The following OTUD7A variants were observed in gnomAD, a reference collection of about 807,000 sequenced individuals.
The protein encoded by OTUD7A is OTU deubiquitinase 7A, also known as OTU domain-containing protein 7A.
OTUD7A carries 12 observed loss-of-function variants against 65.7 expected under a neutral mutation model. The ratio of observed to expected loss-of-function variants is 0.18; its 90% CI spans 0.12 to 0.30. The LOEUF is 0.30. Among genes scored for constraint, OTUD7A ranks in the 10% least tolerant of loss-of-function variants. OTUD7A has a pLI of 1.00. For synonymous variants in OTUD7A, 641 were observed against 586.3 expected (o/e 1.09, Z -1.35); for missense variants, 1,148 against 1,304.8 (o/e 0.88, Z 1.85).
intron 5 of OTUD7A, among the ~76,000 whole-genome samples, chr15:31,553,991 G>A (rs1222333966): frequency 2.6e-5 from 4 of 152,228 alleles, no homozygotes; most frequent in South Asian, 2.1e-4. Context: ...CCTAGCGCCC[G>A]GCTCCCATTC....
At position 31,646,385 on chromosome 15, in the gene OTUD7A, G is replaced by A. The variant is rs1000084514; in HGVS notation, c.151+8711C>T. On this transcript the variant is annotated intron_variant, in intron 3 of 12. Transcript: ENST00000307050. ...TGAATACGGCTGGCTTTCCAGAGAG[G>A]AAGTGTCTTTCTTTCTCTCTTTCTC... Among the ~76,000 whole-genome samples the A allele has an allele frequency of 5.3e-5, 8 of 151,922 alleles. 1 individual carries two copies. The highest frequency in any genetic ancestry group is 3.2e-3 in the Middle Eastern group (1 of 316).
rs182893358 is a variant in OTUD7A, at chr15:31,624,562, T to C, written c.151+30534A>G. ...AAAGTAAAATGAGAGAAAATGACCATTGATGAAGGGCATAAAATTGCATTT... is the reference window on the plus strand; with the variant it reads ...AAAGTAAAATGAGAGAAAATGACCACTGATGAAGGGCATAAAATTGCATTT... On this transcript the variant is annotated intron_variant, in intron 3 of 12. Transcript: ENST00000307050. Among the ~76,000 whole-genome samples the C allele has an allele frequency of 3.3e-5, 5 of 152,236 alleles. No individual in the cohort carries two copies. The East Asian group carries it at 5.8e-4, about 18-fold the overall frequency.
In OTUD7A at chr15:31,639,089, G is replaced by A. The variant is rs556587152; in HGVS notation, c.151+16007C>T. Among the ~76,000 whole-genome samples, 4 of 151,896 alleles carry A rather than the reference G, an allele frequency of 2.6e-5. No homozygotes were observed. The South Asian group carries it at 6.3e-4, about 24-fold the overall frequency. ...GCAGAGCTTGCAGTGAGACGAGCTCGCGCCACCGCACTCCAGCCTCTGTCT... is the reference window on the plus strand; with the variant it reads ...GCAGAGCTTGCAGTGAGACGAGCTCACGCCACCGCACTCCAGCCTCTGTCT... On this transcript the variant is annotated intron_variant, in intron 3 of 12. Coordinates refer to ENST00000307050, the MANE Select transcript of OTUD7A (RefSeq NM_001382637.1).
chr15:31,587,219 C>T (rs940471551), intron 3 of OTUD7A, among the ~76,000 whole-genome samples: 2 of 152,174 alleles, frequency 1.3e-5, no homozygotes, highest in Admixed American at 1.3e-4. Flanking sequence ...TCTACCATTG[C>T]CACCCTAGGT....
At chr15:31,644,005 T>C (rs1396850669) in intron 3 of OTUD7A, among the ~76,000 whole-genome samples, 1 of 152,156 alleles carries the variant, frequency 6.6e-6, no homozygotes, top group Non-Finnish European at 1.5e-5. Context: ...AAGGGGTACC[T>C]GGGGCCAGGT....
intron 1 of OTUD7A, chr15:31,766,678 C>T: frequency 1.2e-6 from 2 of 1,603,964 alleles, no homozygotes; most frequent in Non-Finnish European, 1.7e-6. Flanking sequence ...TTCTGACTTG[C>T]ATTTCCCATT....
chr15:31,844,203 G>T (rs967086260), intron 1 of OTUD7A, among the ~76,000 whole-genome samples: 1 of 152,218 alleles, frequency 6.6e-6, no homozygotes, highest in African/African-American at 2.4e-5. Flanking sequence ...TGACAGAAAA[G>T]AGAATCAAGA....
At chr15:31,827,945 C>A (rs927606070) in intron 1 of OTUD7A, among the ~76,000 whole-genome samples, 11 of 151,876 alleles carry the variant, frequency 7.2e-5, no homozygotes, top group African/African-American at 2.4e-4. Context: ...AAAAAAAAAA[C>A]CACATAAAAT....
chr15:31,728,102 A>G (rs1449817354), intron 1 of OTUD7A, among the ~76,000 whole-genome samples: 1 of 152,204 alleles, frequency 6.6e-6, no homozygotes, highest in African/African-American at 2.4e-5. Context: ...TATTGCAAAC[A>G]TAATGAGGCA....
At chr15:31,772,921 A>T (rs1260564678) in intron 1 of OTUD7A, among the ~76,000 whole-genome samples, 1 of 152,184 alleles carries the variant, frequency 6.6e-6, no homozygotes, top group Non-Finnish European at 1.5e-5. Context: ...ATGCTACAGG[A>T]ACACTTTGTT....
chr15:31,532,171 A>G (rs1887645408), intron 5 of OTUD7A, among the ~76,000 whole-genome samples: 1 of 152,234 alleles, frequency 6.6e-6, no homozygotes, highest in Non-Finnish European at 1.5e-5. Flanking sequence ...GATTTCAAAC[A>G]GAACAAGAAA....
At chr15:31,831,729 G>A (rs1056411467) in intron 1 of OTUD7A, among the ~76,000 whole-genome samples, 1 of 152,232 alleles carries the variant, frequency 6.6e-6, no homozygotes, top group Non-Finnish European at 1.5e-5. Flanking sequence ...AAACTGGGAA[G>A]AGCCCAGGAT....
intron 3 of OTUD7A, among the ~76,000 whole-genome samples, chr15:31,630,068 G>A (rs1342592645): frequency 6.8e-6 from 1 of 148,088 alleles, no homozygotes; most frequent in African/African-American, 2.5e-5. Context: ...ATTTTTTGAA[G>A]GGTTTTTTGT....
intron 1 of OTUD7A, among the ~76,000 whole-genome samples, chr15:31,818,674 A>T (rs1187389675): frequency 6.6e-6 from 1 of 152,214 alleles, no homozygotes; most frequent in Admixed American, 6.5e-5. Flanking sequence ...GCAGTGTGAC[A>T]GCCCCTGCTG....
chr15:31,800,065 T>C (rs1340704998), intron 1 of OTUD7A, among the ~76,000 whole-genome samples: 1 of 152,172 alleles, frequency 6.6e-6, no homozygotes, highest in Non-Finnish European at 1.5e-5. Flanking sequence ...CATAAGGTTG[T>C]GACTCAGGCA....
intron 1 of OTUD7A, among the ~76,000 whole-genome samples, chr15:31,667,130 A>C (rs759117575): frequency 6.6e-6 from 1 of 152,196 alleles, no homozygotes; most frequent in Non-Finnish European, 1.5e-5. Flanking sequence ...TGTTCTGTAC[A>C]TATCTGTTAA....
At chr15:31,841,468 C>T (rs1897181283) in intron 1 of OTUD7A, among the ~76,000 whole-genome samples, 1 of 152,152 alleles carries the variant, frequency 6.6e-6, no homozygotes, top group South Asian at 2.1e-4. Flanking sequence ...GGTGGCTCTA[C>T]GCTGCCTCTG....
At chr15:31,637,711 A>G (rs1275775711) in intron 3 of OTUD7A, among the ~76,000 whole-genome samples, 3 of 152,248 alleles carry the variant, frequency 2.0e-5, no homozygotes, top group Admixed American at 1.3e-4. Flanking sequence ...AATTATCAAC[A>G]TTAACAGGAG....
At chr15:31,868,303 T>A (rs1897933273) in intron 1 of OTUD7A, among the ~76,000 whole-genome samples, 1 of 152,232 alleles carries the variant, frequency 6.6e-6, no homozygotes, top group Non-Finnish European at 1.5e-5. Context: ...GTGGAAACAC[T>A]TCCGTTTGAA....
Sources: allele counts gnomAD v4.1 joint callset (sites outside exome capture counted in the v4.1 genomes callset), GRCh38; gene constraint gnomAD v4.1.1; transcripts MANE v1.5; gene names NCBI Gene and HGNC (gene_info 2026-07-23, HGNC 2026-07-21).